The following PRELID2 variants were observed in gnomAD, a reference collection of about 807,000 sequenced individuals.
The protein encoded by PRELID2 is PRELI domain-containing protein 2.
A neutral mutation model predicts 28.4 loss-of-function variants in PRELID2; 25 were observed. That is an observed-to-expected ratio of 0.88 (90% confidence interval 0.64 to 1.23). The LOEUF is 1.23. Ranked by LOEUF, PRELID2 falls within the 50% of genes most tolerant of loss-of-function variation. The pLI is 0.00. For missense variants in PRELID2, 201 were observed against 214.4 expected, an observed-to-expected ratio of 0.94 and a Z score of 0.39; for synonymous variants, 76 against 71.6, an observed-to-expected ratio of 1.06 and a Z score of -0.31.
At chr5:145,520,830 C>T (rs1752557695) in intron 1 of PRELID2, among the ~76,000 whole-genome samples, 1 of 152,106 alleles carries the variant, frequency 6.6e-6, no homozygotes, top group South Asian at 2.1e-4. Flanking sequence ...ATGCCGAGAA[C>T]ATAGTACTCA....
At chr5:145,250,349 C>T in the PRELID2 span, among the ~76,000 whole-genome samples, 1 of 152,078 alleles carries the variant, frequency 6.6e-6, no homozygotes, top group Non-Finnish European at 1.5e-5. Flanking sequence ...TTGTAAGAAG[C>T]TTATTCTGTG....
the PRELID2 span, among the ~76,000 whole-genome samples, chr5:145,252,436 T>G: frequency 6.6e-6 from 1 of 152,286 alleles, no homozygotes; most frequent in East Asian, 1.9e-4. Context: ...TTAATTTCTC[T>G]GTGGTTTGAT....
chr5:145,659,733 A>G (rs1561535336), intron 1 of PRELID2, among the ~76,000 whole-genome samples: 2 of 152,198 alleles, frequency 1.3e-5, no homozygotes, highest in Non-Finnish European at 2.9e-5. Context: ...GCCTCGTGTA[A>G]ATGCACTATT....
chr5:145,607,742 T>C (rs1753525205), intron 1 of PRELID2, among the ~76,000 whole-genome samples: 1 of 152,172 alleles, frequency 6.6e-6, no homozygotes. Context: ...GAGAATTATG[T>C]ATATGTCTGT....
chr5:145,648,120 T>C (rs966502332), intron 1 of PRELID2, among the ~76,000 whole-genome samples: 8 of 152,242 alleles, frequency 5.3e-5, no homozygotes, highest in South Asian at 2.1e-4. Flanking sequence ...TAAGAATTTA[T>C]TGTAGTAAAG....
the PRELID2 span, among the ~76,000 whole-genome samples, chr5:145,275,100 A>G: frequency 6.6e-6 from 1 of 152,116 alleles, no homozygotes; most frequent in Non-Finnish European, 1.5e-5. Flanking sequence ...TAAAGGCCCT[A>G]TCTCCAAATA....
intron 3 of PRELID2, among the ~76,000 whole-genome samples, chr5:145,818,958 C>T (rs980852919): frequency 5.3e-5 from 8 of 152,220 alleles, no homozygotes; most frequent in African/African-American, 1.7e-4. Context: ...AACTGAATCA[C>T]GGGGGCGGGT....
intron 1 of PRELID2, among the ~76,000 whole-genome samples, chr5:145,492,120 C>T (rs568103319): frequency 1.5e-4 from 23 of 152,262 alleles, no homozygotes; most frequent in Admixed American, 1.4e-3. Flanking sequence ...CATACTATTT[C>T]CATAATGACT....
the PRELID2 span, among the ~76,000 whole-genome samples, chr5:145,302,207 TG>T: frequency 6.6e-6 from 1 of 152,112 alleles, no homozygotes; most frequent in Non-Finnish European, 1.5e-5. Context: ...TCCCCCAGGC[TG>T]GAGTGCAATG....
At chr5:145,452,606 C>T in the PRELID2 span, among the ~76,000 whole-genome samples, 1 of 152,152 alleles carries the variant, frequency 6.6e-6, no homozygotes, top group African/African-American at 2.4e-5. Flanking sequence ...TTCCCAGTCA[C>T]TTTTCTGTAA....
At chr5:145,432,205 G>A in the PRELID2 span, among the ~76,000 whole-genome samples, 1 of 151,938 alleles carries the variant, frequency 6.6e-6, no homozygotes, top group Admixed American at 6.6e-5. Context: ...TAGTCTATTA[G>A]GAATTTTAAC....
rs577864142 is a variant in PRELID2, at chr5:145,757,885, G to T, written c.*2651C>A. Among the ~76,000 whole-genome samples, 1 of 151,704 alleles carries T rather than the reference G, an allele frequency of 6.6e-6. No individual in the cohort carries two copies. Among genetic ancestry groups the T allele is most frequent in the South Asian group, 2.1e-4 (1 of 4,798 alleles). On this transcript the variant is annotated 3_prime_UTR_variant, in exon 7 of 7. Coordinates refer to ENST00000683046, the MANE Select transcript of PRELID2 (RefSeq NM_205846.3). ...GTGAAGCTGGAAGCAATAGCTGCCT[G>T]CAGGGGGAAAATTACTGAGTGAGGA...
intron 5 of PRELID2, among the ~76,000 whole-genome samples, chr5:145,779,982 A>T (rs999391063): frequency 1.3e-5 from 2 of 152,196 alleles, no homozygotes; most frequent in African/African-American, 4.8e-5. Flanking sequence ...GGAGTTCGAG[A>T]CCAGCCTGGG....
chr5:145,353,182 G>A, the PRELID2 span, among the ~76,000 whole-genome samples: 3 of 152,136 alleles, frequency 2.0e-5, no homozygotes, highest in African/African-American at 7.2e-5. Flanking sequence ...CTGAGGATGG[G>A]CATGATGGCT....
chr5:145,293,566 T>C, the PRELID2 span, among the ~76,000 whole-genome samples: 13 of 152,300 alleles, frequency 8.5e-5, no homozygotes, highest in African/African-American at 2.9e-4. Flanking sequence ...TTTAAACCAC[T>C]TTGTCATTTT....
At chr5:145,776,627 T>G (rs1758427881) in intron 5 of PRELID2, among the ~76,000 whole-genome samples, 1 of 152,238 alleles carries the variant, frequency 6.6e-6, no homozygotes. Context: ...TCTTGGAACA[T>G]ATCCACCAAA....
At chr5:145,648,552 A>T (rs998286354) in intron 1 of PRELID2, among the ~76,000 whole-genome samples, 1 of 151,150 alleles carries the variant, frequency 6.6e-6, no homozygotes, top group Middle Eastern at 3.2e-3. Flanking sequence ...CATGAAAGTA[A>T]TTTTTTTCTC....
chr5:145,591,981 C>T (rs988094501), intron 1 of PRELID2, among the ~76,000 whole-genome samples: 3 of 152,186 alleles, frequency 2.0e-5, no homozygotes, highest in Non-Finnish European at 4.4e-5. Context: ...TCCTACATTC[C>T]ATACACTATC....
the PRELID2 span, among the ~76,000 whole-genome samples, chr5:145,395,542 C>T: frequency 6.6e-6 from 1 of 152,228 alleles, no homozygotes; most frequent in South Asian, 2.1e-4. Flanking sequence ...ATCAACCAGA[C>T]TTTTAATTTA....
Sources: allele counts gnomAD v4.1 joint callset (sites outside exome capture counted in the v4.1 genomes callset), GRCh38; gene constraint gnomAD v4.1.1; transcripts MANE v1.5; gene names NCBI Gene and HGNC (gene_info 2026-07-23, HGNC 2026-07-21).